ZNF81: variants seen among roughly 807,000 people sequenced by gnomAD.
The protein encoded by ZNF81 is zinc finger protein 81 (HFZ20).
Under a neutral mutation model 32.3 loss-of-function variants are expected in ZNF81, and 5 were observed. The observed-to-expected ratio is 0.15, with a 90% CI of 0.08 to 0.33. The LOEUF (loss-of-function observed/expected upper bound fraction) is 0.33. ZNF81 is among the 10% of genes least tolerant of loss of function. ZNF81 has a pLI of 1.00. For synonymous variants in ZNF81, 163 were observed against 166.8 expected (o/e 0.98, Z 0.17); for missense variants, 379 against 479.8 (o/e 0.79, Z 1.96).
chrX:47,894,397 G>C (rs187266703), intron 3 of ZNF81, among the ~76,000 whole-genome samples: 1,150 of 111,666 alleles, frequency 0.01, 35 homozygotes, highest in Admixed American at 0.086. Flanking sequence ...GCAATGCCAG[G>C]ATTCCCCTTG....
intron 2 of ZNF81, chrX:47,860,838 A>T (rs1235363290): frequency 9.0e-6 from 1 of 111,196 alleles, no homozygotes. Context: ...CCCTTCCCAC[A>T]TACCTTGCCC....
In ZNF81 at chrX:47,853,696, C is replaced by T. The variant is rs782242560; in HGVS notation, c.54+7375C>T. On this transcript the variant is annotated intron_variant, in intron 2 of 4. Coordinates refer to ENST00000338637, the MANE Select transcript of ZNF81 (RefSeq NM_007137.5). ...GAGTAGCTGGGACTACAGGCATGTGCCACCATGCCTGGCTAATTTTTAAAT... is the reference window on the plus strand; with the variant it reads ...GAGTAGCTGGGACTACAGGCATGTGTCACCATGCCTGGCTAATTTTTAAAT... Among the ~76,000 whole-genome samples, 18 of 111,042 alleles carry T rather than the reference C, an allele frequency of 1.6e-4. No individual in the cohort carries two copies. In the Admixed American group the frequency reaches 1.7e-3, roughly 11 times the overall value.
intron 2 of ZNF81, 78 bp downstream of exon 2, chrX:47,846,399 A>C: frequency 9.1e-7 from 1 of 1,100,201 alleles, no homozygotes; most frequent in South Asian, 1.9e-5. Context: ...CATAGTTTTC[A>C]TTTCTAGTAC....
chrX:47,870,169 A>G (rs1256853542), intron 2 of ZNF81, among the ~76,000 whole-genome samples: 1 of 112,094 alleles, frequency 8.9e-6, no homozygotes, highest in Non-Finnish European at 1.9e-5. Context: ...TTTATATCTT[A>G]GGGTTCCTAA....
intron 2 of ZNF81, among the ~76,000 whole-genome samples, chrX:47,880,545 G>A (rs1321874200): frequency 8.9e-6 from 1 of 112,186 alleles, no homozygotes; most frequent in Non-Finnish European, 1.9e-5. Context: ...GCATTTCTCA[G>A]CTGGAATTCT....
At chrX:47,880,581 C>G (rs1192278549) in intron 2 of ZNF81, among the ~76,000 whole-genome samples, 1 of 112,013 alleles carries the variant, frequency 8.9e-6, no homozygotes, top group African/African-American at 3.2e-5. Flanking sequence ...TTTCCAAAAT[C>G]AATTATTTGT....
At chrX:47,859,216 A>C (rs1233864446) in intron 2 of ZNF81, among the ~76,000 whole-genome samples, 2 of 111,721 alleles carry the variant, frequency 1.8e-5, no homozygotes, top group Admixed American at 1.9e-4. Context: ...TTATTATAAC[A>C]CTATTAACTG....
At chrX:47,871,119 C>T (rs1334184178) in intron 2 of ZNF81, among the ~76,000 whole-genome samples, 1 of 111,409 alleles carries the variant, frequency 9.0e-6, no homozygotes, top group Non-Finnish European at 1.9e-5. Flanking sequence ...AGAATCATTG[C>T]CTTTAGAAAT....
At chrX:47,854,157 TCC>T (rs782378330) in intron 2 of ZNF81, among the ~76,000 whole-genome samples, 1 of 112,593 alleles carries the variant, frequency 8.9e-6, no homozygotes, top group Non-Finnish European at 1.9e-5. Flanking sequence ...ATGGCTTCTT[TCC>T]TTAAGCCTCA....
Position 47,919,952 on chromosome X carries a change from T to C in ZNF81, c.*3320T>C, listed in dbSNP as rs1158947833. ...CTGTTGTTGTCTTCTCTTGCTCTTT[T>C]GCATCTAATAATTTTTGGCTGAATG... is the stretch of plus-strand genomic sequence containing the variant. On this transcript the variant is annotated 3_prime_UTR_variant, in exon 5 of 5. Transcript: ENST00000338637. The C allele has an allele frequency of 2.7e-5, 3 of 112,220 alleles. No homozygotes were observed. The highest frequency in any genetic ancestry group is 9.7e-5 in the African/African-American group (3 of 30,849). The allele number at this position is 112,220 out of a possible 1,213,427, so 9.2% of individuals were successfully genotyped here.
At chrX:47,880,650 T>C (rs1316579777) in intron 2 of ZNF81, among the ~76,000 whole-genome samples, 1 of 112,155 alleles carries the variant, frequency 8.9e-6, no homozygotes, top group East Asian at 2.8e-4. Flanking sequence ...AACTCAGTAA[T>C]ACCTCTTTCT....
At chrX:47,865,354 G>A (rs897162044) in intron 2 of ZNF81, among the ~76,000 whole-genome samples, 8 of 111,946 alleles carry the variant, frequency 7.1e-5, no homozygotes, top group Admixed American at 2.8e-4. Flanking sequence ...GTTCAGTTTC[G>A]ACAAGGGCCC....
intron 1 of ZNF81, among the ~76,000 whole-genome samples, chrX:47,841,906 T>C (rs2058451215): frequency 8.9e-6 from 1 of 111,835 alleles, no homozygotes; most frequent in African/African-American, 3.2e-5. Flanking sequence ...AGGTGGGAGC[T>C]TAGATTATTG....
rs781882605 is a variant in ZNF81 at position 47,842,083 on chromosome X, G to A, written c.-163-4022G>A. Reference sequence around the variant, plus strand: ...TCATCTTTGATCCATGGATCATATAGAAATATATTATTTAAAGTATCTGGA... The same window carrying A: ...TCATCTTTGATCCATGGATCATATAAAAATATATTATTTAAAGTATCTGGA... On this transcript the variant is annotated intron_variant, in intron 1 of 4. Coordinates refer to ENST00000338637, the MANE Select transcript of ZNF81 (RefSeq NM_007137.5). 7.2e-5 allele frequency among the ~76,000 whole-genome samples: 8 copies of A among 111,751 alleles called. No individual in the cohort carries two copies. In the East Asian group the frequency reaches 2.2e-3, roughly 31 times the overall value.
At chrX:47,853,932 A>G (rs1328803270) in intron 2 of ZNF81, among the ~76,000 whole-genome samples, 1 of 112,086 alleles carries the variant, frequency 8.9e-6, no homozygotes, top group East Asian at 2.8e-4. Flanking sequence ...CCAGGCATTT[A>G]CTTCAGGCAT....
At chrX:47,911,230 C>T (rs2058738264) in intron 4 of ZNF81, among the ~76,000 whole-genome samples, 1 of 111,162 alleles carries the variant, frequency 9.0e-6, no homozygotes, top group South Asian at 3.7e-4. Context: ...TTAATTTATG[C>T]TTACTTCAAA....
rs184575342 is a variant in ZNF81 at position 47,862,111 on chromosome X, G to T, written c.54+15790G>T. ...TTTGGTGAGGTCTCAAGAGTCATTTGAGGGTTACGTGAACCGCTGGTAGTG... is the reference window on the plus strand; with the variant it reads ...TTTGGTGAGGTCTCAAGAGTCATTTTAGGGTTACGTGAACCGCTGGTAGTG... On this transcript the variant is annotated intron_variant, in intron 2 of 4. Transcript: ENST00000338637. Among the ~76,000 whole-genome samples the T allele has an allele frequency of 3.6e-5, 4 of 111,596 alleles. No individual in the cohort carries two copies. In the East Asian group the frequency reaches 8.5e-4, roughly 24 times the overall value.
intron 1 of ZNF81, chrX:47,841,521 G>A (rs1193569110): frequency 5.2e-6 from 5 of 963,477 alleles, no homozygotes; most frequent in South Asian, 3.8e-5. Context: ...CGTTTCTGCC[G>A]CCAGGAATCA....
At chrX:47,840,657 G>A (rs1260079400) in intron 1 of ZNF81, among the ~76,000 whole-genome samples, 3 of 110,336 alleles carry the variant, frequency 2.7e-5, no homozygotes, top group Non-Finnish European at 5.7e-5. Flanking sequence ...ACAGGCATGC[G>A]CCACCATGCC....
Sources: allele counts gnomAD v4.1 joint callset (sites outside exome capture counted in the v4.1 genomes callset), GRCh38; gene constraint gnomAD v4.1.1; transcripts MANE v1.5; gene names NCBI Gene and HGNC (gene_info 2026-07-23, HGNC 2026-07-21).